WDR91: variants seen among roughly 807,000 people sequenced by gnomAD.
WDR91 encodes the protein WD repeat domain 91.
Under a neutral mutation model 88.4 loss-of-function variants are expected in WDR91, and 52 were observed. The observed-to-expected ratio is 0.59, with a 90% CI of 0.47 to 0.74. The LOEUF is 0.74. Among genes scored for constraint, WDR91 ranks in the 30% least tolerant of loss-of-function variants. The pLI is 0.00. For synonymous variants in WDR91, 362 were observed against 389.5 expected (o/e 0.93, Z 0.83); for missense variants, 824 against 954.5 (o/e 0.86, Z 1.80).
intron 6 of WDR91, among the ~76,000 whole-genome samples, chr7:135,201,707 C>T (rs117486823): frequency 1.2e-3 from 180 of 152,108 alleles, no homozygotes; most frequent in Non-Finnish European, 1.8e-3. Flanking sequence ...GTGGTAGCAG[C>T]GAGGAAAAAA....
intron 6 of WDR91, 26 bp downstream of exon 6, chr7:135,204,242 G>C: frequency 1.2e-6 from 2 of 1,611,502 alleles, no homozygotes; most frequent in Non-Finnish European, 1.7e-6. Flanking sequence ...CTTGGCCAGA[G>C]TTAGAGAGGC....
intron 13 of WDR91, 150 bp from the exon 14 acceptor site, chr7:135,187,319 AG>A: frequency 2.7e-6 from 2 of 737,802 alleles, no homozygotes; most frequent in East Asian, 5.4e-5. Context: ...AAGCCTTTCA[AG>A]TGCCAGAGGC....
intron 3 of WDR91, among the ~76,000 whole-genome samples, chr7:135,208,094 G>A (rs1408032423): frequency 6.6e-6 from 1 of 152,022 alleles, no homozygotes; most frequent in African/African-American, 2.4e-5. Context: ...CCCATGGGTG[G>A]GCCTCTAAAC....
chr7:135,207,364 A>G (rs767698320), intron 3 of WDR91, 162 bp from the exon 4 acceptor site: 10 of 641,966 alleles, frequency 1.6e-5, no homozygotes, highest in South Asian at 1.1e-4. Flanking sequence ...CGCTCCCTAC[A>G]GTCTTGTCTC....
chr7:135,188,675 G>A, intron 12 of WDR91, 130 bp from the exon 13 acceptor site: 1 of 772,122 alleles, frequency 1.3e-6, no homozygotes. Context: ...CAGGCACCCA[G>A]GACCCAATGA....
chr7:135,186,142 G>C lies in WDR91; in HGVS notation c.*9C>G. On this transcript the variant is annotated 3_prime_UTR_variant, in exon 15 of 15. Transcript: ENST00000354475. Reference sequence around the variant, plus strand: ...TACTGCTTCCTCGGGTGGCCCTTGGGGCAAGTCATCAGGCTTTATGGGCCA... The same window carrying C: ...TACTGCTTCCTCGGGTGGCCCTTGGCGCAAGTCATCAGGCTTTATGGGCCA... The C allele has an allele frequency of 1.3e-6, 2 of 1,581,394 alleles. No individual in the cohort carries two copies. Among genetic ancestry groups the C allele is most frequent in the Non-Finnish European group, 1.7e-6 (2 of 1,167,706 alleles).
At chr7:135,191,501 A>T (rs547636040) in intron 11 of WDR91, among the ~76,000 whole-genome samples, 1 of 146,722 alleles carries the variant, frequency 6.8e-6, no homozygotes, top group African/African-American at 2.5e-5. Flanking sequence ...GCTACTCAGG[A>T]GGTTGAGGCA....
intron 3 of WDR91, 96 bp downstream of exon 3, chr7:135,208,695 G>A: frequency 8.6e-7 from 1 of 1,168,322 alleles, no homozygotes; most frequent in Admixed American, 3.1e-5. Context: ...GGGCATTTTT[G>A]TAGAAGAAAT....
intron 6 of WDR91, chr7:135,202,053 A>G (rs951172948): frequency 3.9e-5 from 6 of 152,238 alleles, no homozygotes; most frequent in Non-Finnish European, 7.3e-5. Flanking sequence ...CATTCTACAC[A>G]ATAAGCCTTA....
chr7:135,187,744 C>T (rs541734147), intron 13 of WDR91, among the ~76,000 whole-genome samples: 5 of 152,346 alleles, frequency 3.3e-5, no homozygotes, highest in African/African-American at 1.2e-4. Context: ...GGATACTTGG[C>T]TGTGACCACC....
chr7:135,200,855 C>G (rs918233685), intron 6 of WDR91, among the ~76,000 whole-genome samples: 1 of 152,172 alleles, frequency 6.6e-6, no homozygotes, highest in African/African-American at 2.4e-5. Context: ...CAGAGCCTCA[C>G]AGAGCTTACC....
In WDR91 at chr7:135,193,355, C is replaced by T; in HGVS notation, c.1535G>A (p.Cys512Tyr). Residue 512 changes from cysteine to tyrosine, a missense_variant, in exon 11 of 15, where the codon TGT becomes TAT. Physicochemically the swap from Cys to Tyr is radical, Grantham distance 194. Coordinates refer to ENST00000354475, the MANE Select transcript of WDR91 (RefSeq NM_014149.4). ...AGTGAGGCTCGGAGCTGCTGCCGAACAGACGAAAGAGGCCCCGTTGGGGCT... is the reference window on the plus strand; with the variant it reads ...AGTGAGGCTCGGAGCTGCTGCCGAATAGACGAAAGAGGCCCCGTTGGGGCT... ...ACSPNGASFV[C>Y]SAAAPSLTSQ... The T allele has an allele frequency of 6.2e-7, 1 of 1,614,242 alleles. No homozygotes were observed. The highest frequency in any genetic ancestry group is 1.1e-5 in the South Asian group (1 of 91,090).
At position 135,206,050 on chromosome 7, in the gene WDR91, T is replaced by C. The variant is rs776662302; in HGVS notation, c.603A>G (p.Ala201=). 4 of 1,614,192 alleles carry C rather than the reference T, an allele frequency of 2.5e-6. No homozygotes were observed. In the East Asian group the frequency reaches 8.9e-5, roughly 36 times the overall value. The change falls in exon 5 of 15, where the codon GCA becomes GCG. Residue 201 remains alanine, a synonymous_variant. Coordinates refer to ENST00000354475, the MANE Select transcript of WDR91 (RefSeq NM_014149.4). ...TCAGTCGGTGGATTTCAGCTTGCAA[T>C]GCAAAAAGCTATACAGGGGTGGGAC... The part of the protein sequence containing the change: ...ENEVLRQKLF[A]LQAEIHRLKK...
intron 5 of WDR91, 138 bp from the exon 6 acceptor site, chr7:135,204,571 A>T: frequency 1.1e-6 from 1 of 882,324 alleles, no homozygotes; most frequent in Non-Finnish European, 1.7e-6. Context: ...TTAAGGTGGT[A>T]TTATCCTTGG....
chr7:135,186,420 C>T (rs1000862461), intron 14 of WDR91, 105 bp from the exon 15 acceptor site: 5 of 1,197,540 alleles, frequency 4.2e-6, no homozygotes, highest in Middle Eastern at 2.0e-4. Flanking sequence ...GCCAGACACA[C>T]ATGCCCACCT....
intron 14 of WDR91, 102 bp from the exon 15 acceptor site, chr7:135,186,417 A>G (rs765610872): frequency 1.1e-5 from 14 of 1,220,602 alleles, no homozygotes; most frequent in Non-Finnish European, 1.6e-5. Context: ...GAGGCCAGAC[A>G]CACATGCCCA....
chr7:135,204,154 A>C, intron 6 of WDR91, 114 bp downstream of exon 6: 1 of 1,227,208 alleles, frequency 8.1e-7, no homozygotes, highest in East Asian at 2.5e-5. Context: ...CATGCCCAAG[A>C]AATCAGTCCT....
Position 135,204,250 on chromosome 7 carries a change from G to A in WDR91, c.891+18C>T, listed in dbSNP as rs1185816950. ...CGGCCTTCTTGGCCAGAGTTAGAGA[G>A]GCAGGACTTGTGCTTACCTGACCAC... On this transcript the variant is annotated intron_variant, in intron 6 of 14. Coordinates refer to ENST00000354475, the MANE Select transcript of WDR91 (RefSeq NM_014149.4). 7 of 1,612,674 alleles carry A rather than the reference G, an allele frequency of 4.3e-6. No individual in the cohort carries two copies. In the African/African-American group the frequency reaches 5.3e-5, roughly 12 times the overall value.
intron 11 of WDR91, 31 bp downstream of exon 11, chr7:135,193,200 C>G: frequency 6.2e-7 from 1 of 1,609,292 alleles, no homozygotes; most frequent in East Asian, 2.2e-5. Context: ...GTGTGCCTGG[C>G]CCCAGAGAGA....
Sources: allele counts gnomAD v4.1 joint callset (sites outside exome capture counted in the v4.1 genomes callset), GRCh38; gene constraint gnomAD v4.1.1; transcripts MANE v1.5; gene names NCBI Gene and HGNC (gene_info 2026-07-23, HGNC 2026-07-21).